ABCA13: variants seen among roughly 807,000 people sequenced by gnomAD.
ABCA13 encodes ATP binding cassette subfamily A member 13.
Under a neutral mutation model 478.7 loss-of-function variants are expected in ABCA13, and 476 were observed. That is an observed-to-expected ratio of 0.99 (90% confidence interval 0.92 to 1.07). The LOEUF (loss-of-function observed/expected upper bound fraction) is 1.07. ABCA13 is among the 50% of genes least tolerant of loss of function. The pLI, the probability that ABCA13 is intolerant of heterozygous loss-of-function variation, is 0.00. For missense variants in ABCA13, 6,060 were observed against 5,910.6 expected (o/e 1.03, Z -0.83); for synonymous variants, 2,252 against 2,158.9 (o/e 1.04, Z -1.20).
chr7:48,617,544 A>C (rs904194704), intron 59 of ABCA13, among the ~76,000 whole-genome samples: 1 of 151,966 alleles, frequency 6.6e-6, no homozygotes, highest in Non-Finnish European at 1.5e-5. Flanking sequence ...GGAAGAGAGG[A>C]GCTACAGAAA....
rs550927849 is a variant in ABCA13, at chr7:48,335,095, T to C, written c.10000-327T>C. Among the ~76,000 whole-genome samples, 40 of 152,328 alleles carry C rather than the reference T, an allele frequency of 2.6e-4. 1 individual carries two copies. In the South Asian group the frequency reaches 8.1e-3, roughly 31 times the overall value. The stretch of plus-strand genomic sequence containing the variant: ...AGTAAGTATTAGTTGAGAATGTATC[T>C]TTGAGGAAGAAATGTGGGCAAGCAT... On this transcript the variant is annotated intron_variant, in intron 27 of 61. Coordinates refer to ENST00000435803, the MANE Select transcript of ABCA13 (RefSeq NM_152701.5).
chr7:48,179,642 C>G (rs1297519780), intron 1 of ABCA13, among the ~76,000 whole-genome samples: 3 of 152,144 alleles, frequency 2.0e-5, no homozygotes, highest in Non-Finnish European at 4.4e-5. Context: ...CCAGGAGGCA[C>G]GGTGCTCTGT....
intron 59 of ABCA13, among the ~76,000 whole-genome samples, chr7:48,618,240 T>A (rs1792789369): frequency 6.6e-6 from 1 of 152,146 alleles, no homozygotes; most frequent in African/African-American, 2.4e-5. Context: ...CTGCTCTGAT[T>A]CTCTTCCTTC....
chr7:48,640,797 G>A (rs185807747), intron 59 of ABCA13, among the ~76,000 whole-genome samples: 29 of 152,152 alleles, frequency 1.9e-4, no homozygotes, highest in South Asian at 2.1e-4. Context: ...AATAATCTTC[G>A]AAGAGTGTCT....
chr7:48,434,935 G>T (rs892527910), intron 42 of ABCA13, among the ~76,000 whole-genome samples: 20 of 151,814 alleles, frequency 1.3e-4, no homozygotes, highest in African/African-American at 4.6e-4. Context: ...AAATCAGAAA[G>T]TGGGAATTCT....
rs1304033922 is a variant in ABCA13, at chr7:48,569,623, C to G, written c.14355-10601C>G. On this transcript the variant is annotated intron_variant, in intron 55 of 61. Coordinates refer to ENST00000435803, the MANE Select transcript of ABCA13 (RefSeq NM_152701.5). Reference sequence around the variant, plus strand: ...CATTGCAACCCCCACCTCTCACGTTCTAGTGATTCTCCTGCCTCAGCCTTC... The same window carrying G: ...CATTGCAACCCCCACCTCTCACGTTGTAGTGATTCTCCTGCCTCAGCCTTC... Among the ~76,000 whole-genome samples, 5 of 152,232 alleles carry G rather than the reference C, an allele frequency of 3.3e-5. No individual in the cohort carries two copies. In the East Asian group the frequency reaches 7.7e-4, roughly 24 times the overall value.
chr7:48,212,758 T>G (rs1785864455), intron 3 of ABCA13, among the ~76,000 whole-genome samples: 1 of 152,192 alleles, frequency 6.6e-6, no homozygotes, highest in Non-Finnish European at 1.5e-5. Flanking sequence ...TGTTTAAATA[T>G]TTTATGCAAT....
chr7:48,535,122 T>A (rs2131082783), intron 55 of ABCA13, among the ~76,000 whole-genome samples: 1 of 152,328 alleles, frequency 6.6e-6, no homozygotes, highest in Non-Finnish European at 1.5e-5. Flanking sequence ...TCTGGTTTCC[T>A]CCTCATTTGG....
chr7:48,377,845 A>G (rs1813742721), intron 35 of ABCA13, among the ~76,000 whole-genome samples: 1 of 152,228 alleles, frequency 6.6e-6, no homozygotes, highest in Non-Finnish European at 1.5e-5. Context: ...CAAAAATAAC[A>G]TAAGAAAGTA....
At chr7:48,415,478 G>C (rs1196901834) in intron 41 of ABCA13, among the ~76,000 whole-genome samples, 1 of 152,132 alleles carries the variant, frequency 6.6e-6, no homozygotes. Context: ...TGGACTCTCA[G>C]GGCAGGGAGG....
chr7:48,529,415 T>A (rs1244308219), intron 55 of ABCA13, among the ~76,000 whole-genome samples: 1 of 152,184 alleles, frequency 6.6e-6, no homozygotes, highest in Non-Finnish European at 1.5e-5. Flanking sequence ...GGCATCTATC[T>A]TTCTTTTTTC....
chr7:48,436,064 C>T (rs1410347814), intron 42 of ABCA13, among the ~76,000 whole-genome samples: 1 of 150,838 alleles, frequency 6.6e-6, no homozygotes, highest in Non-Finnish European at 1.5e-5. Flanking sequence ...TTATTCTCCT[C>T]TTCAATTTTT....
chr7:48,240,806 A>G (rs1035317548), intron 9 of ABCA13, 61 bp from the exon 10 acceptor site: 3 of 1,363,246 alleles, frequency 2.2e-6, no homozygotes, highest in Admixed American at 5.6e-5. Context: ...TTTCTTAACT[A>G]AATACTGTTC....
chr7:48,192,213 A>G (rs932561896), intron 1 of ABCA13, among the ~76,000 whole-genome samples: 3 of 151,852 alleles, frequency 2.0e-5, no homozygotes, highest in Non-Finnish European at 4.4e-5. Flanking sequence ...AAATGATTAA[A>G]TTCCATGTGT....
In ABCA13 at chr7:48,227,324, T is replaced by C. The variant is rs1383073275; in HGVS notation, c.531T>C (p.His177=). 2 of 1,610,538 alleles carry C rather than the reference T, an allele frequency of 1.2e-6. No individual in the cohort carries two copies. Among genetic ancestry groups the C allele is most frequent in the South Asian group, 2.2e-5 (2 of 90,944 alleles). ...TGGAAAGCCTCCATCAGCAGCCTCA[T>C]ATCTGGGATTTTCTACTTTTACTGC... ...LKLESLHQQP[H]IWDFLLLLPR... Residue 177 remains histidine, a synonymous_variant, in exon 6 of 62, where the codon CAT becomes CAC. Coordinates refer to ENST00000435803, the MANE Select transcript of ABCA13 (RefSeq NM_152701.5).
chr7:48,560,026 T>C (rs1161301612), intron 55 of ABCA13, among the ~76,000 whole-genome samples: 1 of 152,136 alleles, frequency 6.6e-6, no homozygotes, highest in Non-Finnish European at 1.5e-5. Flanking sequence ...CCCACTGGTG[T>C]CTCCCTAGGT....
chr7:48,252,759 T>C (rs564766172), intron 15 of ABCA13, among the ~76,000 whole-genome samples: 1 of 152,332 alleles, frequency 6.6e-6, no homozygotes, highest in African/African-American at 2.4e-5. Flanking sequence ...TTTAAGGTAG[T>C]TGTTTTAATT....
At chr7:48,531,082 G>T (rs576600919) in intron 55 of ABCA13, among the ~76,000 whole-genome samples, 1 of 152,184 alleles carries the variant, frequency 6.6e-6, no homozygotes, top group African/African-American at 2.4e-5. Context: ...GTTTAGAGGG[G>T]TTTTTCCGAT....
intron 1 of ABCA13, among the ~76,000 whole-genome samples, chr7:48,177,413 G>T (rs2128859711): frequency 6.6e-6 from 1 of 152,336 alleles, no homozygotes; most frequent in East Asian, 1.9e-4. Context: ...CAGTAGTGGG[G>T]CTGGGGTGCT....
Sources: allele counts gnomAD v4.1 joint callset (sites outside exome capture counted in the v4.1 genomes callset), GRCh38; gene constraint gnomAD v4.1.1; transcripts MANE v1.5; gene names NCBI Gene and HGNC (gene_info 2026-07-23, HGNC 2026-07-21).